The following NAA11 variants were observed in gnomAD, a reference collection of about 807,000 sequenced individuals.
NAA11 encodes the protein N-alpha-acetyltransferase 11, NatA catalytic subunit, also known as N-alpha-acetyltransferase 11.
In NAA11, 15 loss-of-function variants were observed where a neutral mutation model predicts 16.1. The ratio of observed to expected loss-of-function variants is 0.93; its 90% CI spans 0.62 to 1.44. The LOEUF is 1.44. Ranked by LOEUF, NAA11 falls within the 40% of genes most tolerant of loss-of-function variation. NAA11 has a pLI of 0.00. For missense variants in NAA11, 298 were observed against 291.3 expected, an observed-to-expected ratio of 1.02 and a Z score of -0.17; for synonymous variants, 122 against 112.4, an observed-to-expected ratio of 1.09 and a Z score of -0.54.
intron 2 of NAA11, among the ~76,000 whole-genome samples, chr4:79,283,315 T>C (rs1722837776): frequency 6.6e-6 from 1 of 151,888 alleles, no homozygotes; most frequent in Non-Finnish European, 1.5e-5. Flanking sequence ...TTAATGCTAA[T>C]GAAAATGATC....
chr4:79,181,699 T>C, the NAA11 span, among the ~76,000 whole-genome samples: 3 of 152,332 alleles, frequency 2.0e-5, 1 homozygote, highest in South Asian at 4.1e-4. Flanking sequence ...CCTGCTTCAG[T>C]GTCCTCTTGC....
chr4:79,263,984 C>T (rs772524582), intron 2 of NAA11, among the ~76,000 whole-genome samples: 1 of 152,154 alleles, frequency 6.6e-6, no homozygotes, highest in South Asian at 2.1e-4. Flanking sequence ...TCGCTTTAAG[C>T]AATACCCCCA....
At chr4:79,189,061 G>A in the NAA11 span, among the ~76,000 whole-genome samples, 4 of 149,890 alleles carry the variant, frequency 2.7e-5, 1 homozygote, top group African/African-American at 7.4e-5. Flanking sequence ...CAGGAGAACC[G>A]CGTGAACCCG....
intron 2 of NAA11, among the ~76,000 whole-genome samples, chr4:79,245,787 G>A (rs71585949): frequency 3.5e-5 from 5 of 142,966 alleles, no homozygotes; most frequent in South Asian, 2.3e-4. Flanking sequence ...CCGCCCAGCC[G>A]CCCGTCTGGG....
chr4:79,214,759 C>A, the NAA11 span, among the ~76,000 whole-genome samples: 1 of 152,118 alleles, frequency 6.6e-6, no homozygotes, highest in Non-Finnish European at 1.5e-5. Context: ...GATGGCGCCA[C>A]TGCACTGCAG....
chr4:79,183,972 A>T, the NAA11 span, among the ~76,000 whole-genome samples: 7 of 151,268 alleles, frequency 4.6e-5, no homozygotes, highest in East Asian at 1.3e-3. Flanking sequence ...TGACAACAAC[A>T]TTTACTTGGA....
chr4:79,215,110 AT>A, the NAA11 span, among the ~76,000 whole-genome samples: 1 of 152,318 alleles, frequency 6.6e-6, no homozygotes, highest in African/African-American at 2.4e-5. Context: ...TCTAAAAATT[AT>A]TTTTTAAGTG....
At chr4:79,229,184 T>C (rs1366852126) in intron 2 of NAA11, among the ~76,000 whole-genome samples, 1 of 151,986 alleles carries the variant, frequency 6.6e-6, no homozygotes, top group Non-Finnish European at 1.5e-5. Context: ...TTTCTAGAAA[T>C]TCTATACTTT....
At chr4:79,229,639 A>C (rs1721410862) in intron 2 of NAA11, among the ~76,000 whole-genome samples, 2 of 152,056 alleles carry the variant, frequency 1.3e-5, no homozygotes, top group South Asian at 4.1e-4. Context: ...GTCTGTATTT[A>C]ATAATAATAA....
chr4:79,210,207 C>T, the NAA11 span, among the ~76,000 whole-genome samples: 5,223 of 152,066 alleles, frequency 0.034, 300 homozygotes, highest in African/African-American at 0.12. Context: ...GCTAGTTTTA[C>T]AGGTTAGGGC....
the NAA11 span, among the ~76,000 whole-genome samples, chr4:79,166,649 C>T: frequency 7.0e-6 from 1 of 142,518 alleles, no homozygotes; most frequent in Non-Finnish European, 1.5e-5. Flanking sequence ...GCGGGCGGAT[C>T]ACAAGGTCAG....
chr4:79,277,762 C>T (rs1722692614), intron 2 of NAA11, among the ~76,000 whole-genome samples: 1 of 151,984 alleles, frequency 6.6e-6, no homozygotes, highest in African/African-American at 2.4e-5. Context: ...ATTAGTTTAG[C>T]CTGTGCAGTC....
At chr4:79,311,826 AAATT>A (rs1260321823), downstream of NAA11, among the ~76,000 whole-genome samples, 1 of 152,218 alleles carries the variant, frequency 6.6e-6, no homozygotes, top group Non-Finnish European at 1.5e-5. Flanking sequence ...GAAGATAATA[AAATT>A]AAAGAACATG....
intron 1 of NAA11, among the ~76,000 whole-genome samples, chr4:79,321,744 C>T (rs1194728075): frequency 6.6e-6 from 1 of 152,094 alleles, no homozygotes; most frequent in East Asian, 1.9e-4. Context: ...ATCATTTATA[C>T]TAAAATTTAC....
the NAA11 span, among the ~76,000 whole-genome samples, chr4:79,157,969 C>T: frequency 8.2e-5 from 12 of 146,560 alleles, no homozygotes; most frequent in African/African-American, 2.5e-4. Context: ...GGCGTGATCT[C>T]GGCTCATTGC....
At chr4:79,180,666 G>A in the NAA11 span, among the ~76,000 whole-genome samples, 1 of 152,200 alleles carries the variant, frequency 6.6e-6, no homozygotes, top group African/African-American at 2.4e-5. Context: ...GTGGAAGACA[G>A]TGTGGCGATT....
intron 2 of NAA11, among the ~76,000 whole-genome samples, chr4:79,260,533 T>G (rs1289621243): frequency 6.6e-6 from 1 of 152,048 alleles, no homozygotes; most frequent in African/African-American, 2.4e-5. Flanking sequence ...GTACATAGAG[T>G]CCCGCTTTTG....
chr4:79,164,374 G>T, the NAA11 span, among the ~76,000 whole-genome samples: 1 of 152,252 alleles, frequency 6.6e-6, no homozygotes, highest in East Asian at 1.9e-4. Flanking sequence ...ACTCTTTCAG[G>T]ATCTCCTGGG....
intron 2 of NAA11, among the ~76,000 whole-genome samples, chr4:79,255,481 C>G (rs909917100): frequency 2.6e-5 from 4 of 151,890 alleles, no homozygotes; most frequent in South Asian, 2.1e-4. Flanking sequence ...TGCTGGTGTT[C>G]TTTTGGTTAG....
Sources: gnomAD v4.1 joint callset for allele counts (sites outside exome capture counted in the v4.1 genomes callset) on GRCh38, gnomAD v4.1.1 for gene constraint, MANE v1.5 for transcripts, NCBI Gene and HGNC (gene_info 2026-07-23, HGNC 2026-07-21) for gene names.